The following ZNF254 variants were observed in gnomAD, a reference collection of about 807,000 sequenced individuals.
ZNF254 encodes zinc finger protein 254.
In ZNF254, 10 loss-of-function variants were observed where a neutral mutation model predicts 12.4. The observed-to-expected ratio is 0.80, with a 90% CI of 0.50 to 1.36. ZNF254 has a LOEUF of 1.36. ZNF254 is among the 40% of genes most tolerant of loss of function. ZNF254 has a pLI of 0.00. For synonymous variants in ZNF254, 305 were observed against 253.4 expected (o/e 1.20, Z -1.93); for missense variants, 996 against 763.9 (o/e 1.30, Z -3.58).
intron 2 of ZNF254, among the ~76,000 whole-genome samples, chr19:24,067,192 TC>T (rs1367174599): frequency 6.6e-6 from 1 of 151,970 alleles, no homozygotes; most frequent in African/African-American, 2.4e-5. Context: ...TTTCTGCCCG[TC>T]AACTATTTTA....
chr19:24,082,753 GAACC>G (rs1366231699), upstream of ZNF254, among the ~76,000 whole-genome samples: 144 of 151,092 alleles, frequency 9.5e-4, 1 homozygote, highest in African/African-American at 3.4e-3. Flanking sequence ...CATGTTCTCA[GAACC>G]TCCTGAGAGC....
chr19:24,033,646 C>T, intron 1 of ZNF254: 1 of 366,688 alleles, frequency 2.7e-6, no homozygotes, highest in Non-Finnish European at 5.4e-6. Flanking sequence ...TTGGGCATCC[C>T]GAAAGGAGAG....
intron 3 of ZNF254, among the ~76,000 whole-genome samples, chr19:24,113,087 A>G (rs540185306): frequency 3.3e-5 from 5 of 152,312 alleles, no homozygotes; most frequent in South Asian, 2.1e-4. Flanking sequence ...TTCACAGCCA[A>G]ATTCTACCAG....
upstream of ZNF254, among the ~76,000 whole-genome samples, chr19:24,083,063 GA>G (rs1418124693): frequency 1.3e-5 from 2 of 151,930 alleles, no homozygotes; most frequent in Non-Finnish European, 2.9e-5. Flanking sequence ...ATATAATTAG[GA>G]AACCCTAAAT....
intron 1 of ZNF254, chr19:24,104,382 G>T (rs1973210360): frequency 6.6e-6 from 1 of 152,210 alleles, no homozygotes; most frequent in Non-Finnish European, 1.5e-5. Context: ...GGTGTAATTA[G>T]TCCAGAATAT....
chr19:24,091,956 T>A, intron 1 of ZNF254: 2 of 383,514 alleles, frequency 5.2e-6, no homozygotes, highest in Non-Finnish European at 7.1e-6. Context: ...CTCAGCTCAC[T>A]GCAAGCTCTG....
intron 2 of ZNF254, among the ~76,000 whole-genome samples, chr19:24,076,792 C>G (rs554653777): frequency 2.0e-5 from 3 of 152,102 alleles, no homozygotes; most frequent in Admixed American, 6.6e-5. Context: ...TAAATAGATA[C>G]GCTTGATAAT....
intron 2 of ZNF254, among the ~76,000 whole-genome samples, chr19:24,051,270 G>A (rs1189949099): frequency 6.6e-6 from 1 of 152,144 alleles, no homozygotes; most frequent in Non-Finnish European, 1.5e-5. Context: ...TGATTCACCT[G>A]CCTCAGCCTC....
rs1974995801 is a variant in ZNF254, at chr19:24,127,749, T to G, written c.1749T>G (p.Phe583Leu). The change falls in exon 4 of 4, where the codon TTT becomes TTG. Residue 583 changes from phenylalanine to leucine, a missense_variant. Transcript: ENST00000357002. ...AATGTGAAGAATGTGGCAAATCTTT[T>G]AACCGGTCTTCAACTTTTACTAAAC... Reference protein sequence around the residue: ...PYKCEECGKSFNRSSTFTKHK... With the variant: ...PYKCEECGKSLNRSSTFTKHK... 6.2e-7 allele frequency: 1 copy of G among 1,612,680 alleles called. No individual in the cohort carries two copies. The highest frequency in any genetic ancestry group is 8.5e-7 in the Non-Finnish European group (1 of 1,179,502).
At chr19:24,103,043 A>G (rs1421811950) in intron 1 of ZNF254, among the ~76,000 whole-genome samples, 1 of 152,220 alleles carries the variant, frequency 6.6e-6, no homozygotes, top group African/African-American at 2.4e-5. Context: ...TGTTGATCAC[A>G]TAGTACCTGC....
At chr19:24,120,175 C>A (rs951905649) in intron 3 of ZNF254, among the ~76,000 whole-genome samples, 1 of 152,076 alleles carries the variant, frequency 6.6e-6, no homozygotes, top group Non-Finnish European at 1.5e-5. Context: ...CCTTATAAAG[C>A]CTTCTGCTTT....
At chr19:24,038,938 G>T (rs1488794169) in intron 1 of ZNF254, among the ~76,000 whole-genome samples, 1 of 152,182 alleles carries the variant, frequency 6.6e-6, no homozygotes, top group Non-Finnish European at 1.5e-5. Context: ...GTAAGCCTGA[G>T]AATCTAAACA....
At chr19:24,062,933 T>G (rs1254548948) in intron 2 of ZNF254, among the ~76,000 whole-genome samples, 1 of 152,180 alleles carries the variant, frequency 6.6e-6, no homozygotes, top group African/African-American at 2.4e-5. Flanking sequence ...CCTGAGTAGC[T>G]GGGATTACAG....
intron 1 of ZNF254, among the ~76,000 whole-genome samples, chr19:24,038,498 A>AT (rs139246490): frequency 0.032 from 4,838 of 151,484 alleles, 103 homozygotes; most frequent in Non-Finnish European, 0.048. Context: ...TTCTGTAATA[A>AT]TTTTTTTTTC....
chr19:24,071,238 C>G (rs1002680252), intron 2 of ZNF254, among the ~76,000 whole-genome samples: 2 of 152,182 alleles, frequency 1.3e-5, no homozygotes, highest in Non-Finnish European at 2.9e-5. Context: ...TTACTCTTTG[C>G]TCCTTCCTGG....
chr19:24,103,553 G>C (rs1346639864), intron 1 of ZNF254, among the ~76,000 whole-genome samples: 2 of 152,094 alleles, frequency 1.3e-5, no homozygotes, highest in East Asian at 3.9e-4. Flanking sequence ...GCGTCTATTT[G>C]TTTTAATTAA....
intron 3 of ZNF254, chr19:24,107,363 C>G (rs1973410759): frequency 4.7e-6 from 2 of 422,412 alleles, no homozygotes; most frequent in Non-Finnish European, 8.3e-6. Flanking sequence ...TTAGTGTCCT[C>G]TCTAATTTTT....
chr19:24,102,396 T>G (rs1344948007), intron 1 of ZNF254, among the ~76,000 whole-genome samples: 1 of 151,870 alleles, frequency 6.6e-6, no homozygotes, highest in Non-Finnish European at 1.5e-5. Context: ...TAAGTTTTTT[T>G]TTTTTCTTTT....
intron 2 of ZNF254, among the ~76,000 whole-genome samples, chr19:24,051,930 C>G (rs1186084691): frequency 2.6e-5 from 4 of 152,168 alleles, no homozygotes; most frequent in Non-Finnish European, 4.4e-5. Flanking sequence ...GCTGTACTCA[C>G]AGAGAGCATT....
Sources: gnomAD v4.1 joint callset for allele counts (sites outside exome capture counted in the v4.1 genomes callset) on GRCh38, gnomAD v4.1.1 for gene constraint, MANE v1.5 for transcripts, NCBI Gene and HGNC (gene_info 2026-07-23, HGNC 2026-07-21) for gene names.